Variants in TMC1 observed in about 807,000 individuals in gnomAD.
The protein encoded by TMC1 is transmembrane channel-like protein 1.
A neutral mutation model predicts 105.8 loss-of-function variants in TMC1; 84 were observed. The observed-to-expected ratio is 0.79, with a 90% CI of 0.67 to 0.95. The LOEUF (loss-of-function observed/expected upper bound fraction) is 0.95, where lower values mean the gene tolerates loss of function less well. Ranked by LOEUF, TMC1 falls within the 40% of genes least tolerant of loss-of-function variation. The pLI, the probability that TMC1 is intolerant of heterozygous loss-of-function variation, is 0.00. For synonymous variants in TMC1, 315 were observed against 311.5 expected (o/e 1.01, Z -0.12); for missense variants, 817 against 914.1 (o/e 0.89, Z 1.37).
At chr9:72,564,934 A>G (rs1489273955) in intron 1 of TMC1, among the ~76,000 whole-genome samples, 1 of 152,268 alleles carries the variant, frequency 6.6e-6, no homozygotes, top group Non-Finnish European at 1.5e-5. Context: ...AATTAAATAC[A>G]GTAGTTTTAA....
intron 2 of TMC1, among the ~76,000 whole-genome samples, chr9:72,595,095 A>ACCT (rs1824698022): frequency 6.6e-6 from 1 of 151,944 alleles, no homozygotes; most frequent in Admixed American, 6.6e-5. Flanking sequence ...CGAACTCCTG[A>ACCT]CCTCAGGTGA....
chr9:72,782,261 TC>T (rs1828104948), intron 13 of TMC1, among the ~76,000 whole-genome samples: 1 of 152,136 alleles, frequency 6.6e-6, no homozygotes, highest in African/African-American at 2.4e-5. Flanking sequence ...AAATTCAACA[TC>T]CTTTCATGTT....
intron 10 of TMC1, among the ~76,000 whole-genome samples, 198 bp downstream of exon 10, chr9:72,742,723 A>G (rs1827411476): frequency 6.6e-6 from 1 of 152,188 alleles, no homozygotes; most frequent in African/African-American, 2.4e-5. Flanking sequence ...TACCAAGGAC[A>G]ATACTGGGGA....
chr9:72,566,969 C>A (rs1391717165), intron 1 of TMC1, among the ~76,000 whole-genome samples: 1 of 152,174 alleles, frequency 6.6e-6, no homozygotes, highest in Non-Finnish European at 1.5e-5. Context: ...CCAATCTCAA[C>A]CCCTTTAGTT....
chr9:72,540,651 T>A (rs934437698), intron 1 of TMC1, among the ~76,000 whole-genome samples: 1 of 152,210 alleles, frequency 6.6e-6, no homozygotes, highest in Non-Finnish European at 1.5e-5. Context: ...CATTTATTTT[T>A]GTCCCTAGTC....
chr9:72,573,027 T>C (rs1053038800), intron 1 of TMC1, among the ~76,000 whole-genome samples: 3 of 152,136 alleles, frequency 2.0e-5, no homozygotes, highest in Admixed American at 6.6e-5. Context: ...GTCAATATTG[T>C]TGGTTATGAA....
At chr9:72,730,609 G>A (rs1332815939) in intron 8 of TMC1, among the ~76,000 whole-genome samples, 2 of 152,206 alleles carry the variant, frequency 1.3e-5, no homozygotes, top group African/African-American at 4.8e-5. Context: ...TGTCATGGAT[G>A]ACAATTTTTC....
At chr9:72,710,141 CCATGTATTTG>C (rs1826812411) in intron 8 of TMC1, among the ~76,000 whole-genome samples, 1 of 152,146 alleles carries the variant, frequency 6.6e-6, no homozygotes, top group Non-Finnish European at 1.5e-5. Flanking sequence ...ACTTTAATTT[CCATGTATTTG>C]CATGGATTGG....
At chr9:72,819,779 G>A (rs1181487086) in intron 19 of TMC1, among the ~76,000 whole-genome samples, 1 of 152,164 alleles carries the variant, frequency 6.6e-6, no homozygotes, top group Non-Finnish European at 1.5e-5. Context: ...GCTAAACCTA[G>A]CTATAAATGT....
intron 8 of TMC1, among the ~76,000 whole-genome samples, chr9:72,718,723 G>A (rs1170742539): frequency 1.3e-5 from 2 of 152,322 alleles, no homozygotes; most frequent in East Asian, 3.9e-4. Context: ...GTCAGCTGTG[G>A]TAGTATAGGG....
In TMC1 at chr9:72,700,662, T is replaced by C; in HGVS notation, c.362+19T>C. On this transcript the variant is annotated intron_variant, in intron 8 of 23. Coordinates refer to ENST00000297784, the MANE Select transcript of TMC1 (RefSeq NM_138691.3). ...TTCTCAAGTATGGTGCCACTTTTTA[T>C]AAGTAGAAACACTTTCCCTGATATT... is the stretch of plus-strand genomic sequence containing the variant. 1 of 1,568,926 alleles carries C rather than the reference T, an allele frequency of 6.4e-7. No individual in the cohort carries two copies. Among genetic ancestry groups the C allele is most frequent in the Non-Finnish European group, 8.7e-7 (1 of 1,151,198 alleles).
intron 5 of TMC1, among the ~76,000 whole-genome samples, chr9:72,658,513 C>G (rs531343134): frequency 4.1e-4 from 62 of 152,204 alleles, no homozygotes; most frequent in African/African-American, 1.4e-3. Flanking sequence ...TTCTTCCTTC[C>G]TTCTTTCTAG....
intron 4 of TMC1, among the ~76,000 whole-genome samples, chr9:72,638,702 A>G (rs1254328021): frequency 1.3e-5 from 2 of 152,198 alleles, no homozygotes; most frequent in African/African-American, 4.8e-5. Flanking sequence ...GAGTAAATTG[A>G]TAGAAAGCTG....
intron 1 of TMC1, among the ~76,000 whole-genome samples, chr9:72,527,655 A>G (rs1257418306): frequency 6.6e-6 from 1 of 152,128 alleles, no homozygotes; most frequent in East Asian, 1.9e-4. Flanking sequence ...ACGCCAACAC[A>G]GATTCTGTTT....
chr9:72,536,689 G>T (rs191521706), intron 1 of TMC1, among the ~76,000 whole-genome samples: 2 of 152,276 alleles, frequency 1.3e-5, no homozygotes, highest in African/African-American at 4.8e-5. Context: ...ACCACATCCT[G>T]GGCATAGTAG....
intron 5 of TMC1, among the ~76,000 whole-genome samples, chr9:72,678,436 G>GT (rs1459576824): frequency 1.3e-5 from 2 of 152,122 alleles, no homozygotes; most frequent in African/African-American, 4.8e-5. Flanking sequence ...ATGCTTACGG[G>GT]TTTGAATTCT....
At chr9:72,546,745 T>C (rs1823774903) in intron 1 of TMC1, among the ~76,000 whole-genome samples, 1 of 152,226 alleles carries the variant, frequency 6.6e-6, no homozygotes, top group African/African-American at 2.4e-5. Context: ...ATTAAGTTCA[T>C]CTAAGACTTC....
At chr9:72,612,153 T>A (rs1289528922) in intron 2 of TMC1, among the ~76,000 whole-genome samples, 1 of 152,114 alleles carries the variant, frequency 6.6e-6, no homozygotes. Flanking sequence ...TTGGTAATAA[T>A]GCCCAGCTTT....
intron 1 of TMC1, among the ~76,000 whole-genome samples, chr9:72,546,732 CTGAT>C: frequency 6.6e-6 from 1 of 152,282 alleles, no homozygotes; most frequent in East Asian, 1.9e-4. Flanking sequence ...AAGTTTGTGT[CTGAT>C]TAAGTTCATC....
Sources: gnomAD v4.1 joint callset for allele counts (sites outside exome capture counted in the v4.1 genomes callset) on GRCh38, gnomAD v4.1.1 for gene constraint, MANE v1.5 for transcripts, NCBI Gene and HGNC (gene_info 2026-07-23, HGNC 2026-07-21) for gene names.